The following LRMDA variants were observed in gnomAD, a reference collection of about 807,000 sequenced individuals.
LRMDA encodes the protein leucine-rich melanocyte differentiation-associated protein.
A neutral mutation model predicts 29.8 loss-of-function variants in LRMDA; 18 were observed. That is an observed-to-expected ratio of 0.60 (90% CI 0.42 to 0.90). The LOEUF (loss-of-function observed/expected upper bound fraction) is 0.90. LRMDA is among the 40% of genes least tolerant of loss of function. LRMDA has a pLI of 0.00. For missense variants in LRMDA, 273 were observed against 273.9 expected (o/e 1.00, Z 0.02); for synonymous variants, 125 against 109.4 (o/e 1.14, Z -0.89).
chr10:75,564,738 G>A, intron 2 of LRMDA, among the ~76,000 whole-genome samples: 1 of 152,186 alleles, frequency 6.6e-6, no homozygotes, highest in Non-Finnish European at 1.5e-5. Context: ...TAGCTTCTCT[G>A]GATCTTGTTA....
chr10:76,131,945 T>C (rs114802152), intron 5 of LRMDA, among the ~76,000 whole-genome samples: 200 of 152,324 alleles, frequency 1.3e-3, no homozygotes, highest in African/African-American at 4.7e-3. Context: ...TGAATATATA[T>C]GGCTGATGAT....
rs201700203 is a variant in LRMDA, at chr10:76,184,036, T to TA, written c.516+125253_516+125254insA. Among the ~76,000 whole-genome samples the TA allele has an allele frequency of 7.4e-3, 1,121 of 151,126 alleles. 5 individuals carry two copies. Among genetic ancestry groups the TA allele is most frequent in the East Asian group, 0.02 (102 of 5,134 alleles). On this transcript the variant is annotated intron_variant, in intron 5 of 6. Transcript: ENST00000611255. ...CCCACCCGGCCCTACTTTATTTATT[T>TA]TTTTTTTTTTTGGAGACGGAGTCTT...
At chr10:75,608,603 A>C (rs1183285297) in intron 2 of LRMDA, among the ~76,000 whole-genome samples, 1 of 152,184 alleles carries the variant, frequency 6.6e-6, no homozygotes, top group East Asian at 1.9e-4. Context: ...GTATACCTTA[A>C]ATATATATAA....
intron 6 of LRMDA, among the ~76,000 whole-genome samples, chr10:76,435,425 T>C (rs1009904592): frequency 3.3e-5 from 5 of 152,206 alleles, no homozygotes; most frequent in African/African-American, 1.2e-4. Flanking sequence ...CCATGGCATG[T>C]TACCTCTCAG....
intron 6 of LRMDA, among the ~76,000 whole-genome samples, chr10:76,378,329 A>C (rs963015161): frequency 6.6e-6 from 1 of 152,166 alleles, no homozygotes; most frequent in African/African-American, 2.4e-5. Context: ...ATCATCAGAA[A>C]ACAGAGATAA....
rs144792000 is a variant in LRMDA, at chr10:76,363,704, T to C, written c.601+39219T>C. On this transcript the variant is annotated intron_variant, in intron 6 of 6. Transcript: ENST00000611255. ...TTCTTTTTCCTTTCTAGTTTCTTGG[T>C]ATAACAACCTTTTTCCATAAAAGAA... 3.1e-3 allele frequency among the ~76,000 whole-genome samples: 474 copies of C among 152,284 alleles called. 3 individuals carry two copies. The highest frequency in any genetic ancestry group is 0.011 in the African/African-American group (444 of 41,552).
intron 2 of LRMDA, among the ~76,000 whole-genome samples, chr10:75,671,325 T>C (rs993388965): frequency 1.1e-4 from 16 of 152,200 alleles, no homozygotes; most frequent in African/African-American, 3.9e-4. Flanking sequence ...GGATAGGGTT[T>C]GAGTATTCCA....
chr10:75,526,141 C>T (rs1845410536), intron 2 of LRMDA, among the ~76,000 whole-genome samples: 2 of 152,038 alleles, frequency 1.3e-5, no homozygotes, highest in Non-Finnish European at 2.9e-5. Flanking sequence ...TCATAGCCCA[C>T]TGCAGCCTCA....
chr10:75,499,124 C>T (rs1334013250), intron 2 of LRMDA, among the ~76,000 whole-genome samples: 1 of 152,162 alleles, frequency 6.6e-6, no homozygotes, highest in Non-Finnish European at 1.5e-5. Flanking sequence ...TCTGAAATTC[C>T]TCCTCCTCCT....
In LRMDA at chr10:75,876,243, T is replaced by A. The variant is rs564117052; in HGVS notation, c.132-159765T>A. On this transcript the variant is annotated intron_variant, in intron 2 of 6. Transcript: ENST00000611255. ...GGAGCTGGCTAAGGAATTGGAATCCTTCTTGGGGAGGCAGTGAAAGTTGAT... is the reference window on the plus strand; with the variant it reads ...GGAGCTGGCTAAGGAATTGGAATCCATCTTGGGGAGGCAGTGAAAGTTGAT... Among the ~76,000 whole-genome samples, 4 of 152,302 alleles carry A rather than the reference T, an allele frequency of 2.6e-5. No individual in the cohort carries two copies. The East Asian group carries it at 5.8e-4, about 22-fold the overall frequency.
chr10:76,400,258 T>C (rs1841834571), intron 6 of LRMDA, among the ~76,000 whole-genome samples: 1 of 152,298 alleles, frequency 6.6e-6, no homozygotes, highest in Middle Eastern at 3.4e-3. Flanking sequence ...CAACAATCTT[T>C]TGAGCTTGGA....
chr10:75,651,690 G>A (rs747662450), intron 2 of LRMDA, among the ~76,000 whole-genome samples: 3 of 152,114 alleles, frequency 2.0e-5, no homozygotes, highest in East Asian at 1.9e-4. Flanking sequence ...AGCACCTCCC[G>A]GTGGCCCAAA....
At chr10:75,657,363 G>C (rs1841690015) in intron 2 of LRMDA, among the ~76,000 whole-genome samples, 1 of 152,214 alleles carries the variant, frequency 6.6e-6, no homozygotes, top group African/African-American at 2.4e-5. Flanking sequence ...AAGGCAATCA[G>C]AGAGGAGAAT....
chr10:75,977,397 G>A (rs1847092068), intron 2 of LRMDA, among the ~76,000 whole-genome samples: 1 of 152,204 alleles, frequency 6.6e-6, no homozygotes, highest in Non-Finnish European at 1.5e-5. Context: ...GGAAATATGA[G>A]TTAACTCCAT....
At chr10:75,718,150 A>AT (rs2132184597) in intron 2 of LRMDA, among the ~76,000 whole-genome samples, 1 of 152,320 alleles carries the variant, frequency 6.6e-6, no homozygotes, top group Admixed American at 6.5e-5. Flanking sequence ...TGTTGCCACA[A>AT]TGATGCTGCT....
At chr10:75,901,602 C>T (rs1845674185) in intron 2 of LRMDA, among the ~76,000 whole-genome samples, 3 of 152,004 alleles carry the variant, frequency 2.0e-5, no homozygotes, top group Admixed American at 6.6e-5. Context: ...AAAAAAGAAC[C>T]GAGACAATCA....
intron 5 of LRMDA, among the ~76,000 whole-genome samples, chr10:76,116,561 T>G (rs1849670568): frequency 6.6e-6 from 1 of 152,160 alleles, no homozygotes; most frequent in Admixed American, 6.5e-5. Flanking sequence ...CCAGCAAGAC[T>G]TGAGTCTTTA....
At chr10:76,100,483 A>G (rs564524979) in intron 5 of LRMDA, among the ~76,000 whole-genome samples, 1 of 152,162 alleles carries the variant, frequency 6.6e-6, no homozygotes, top group African/African-American at 2.4e-5. Context: ...CCCAGTGTGC[A>G]GGCAGGTCGG....
At chr10:75,735,449 G>A (rs745819786) in intron 2 of LRMDA, among the ~76,000 whole-genome samples, 2 of 152,086 alleles carry the variant, frequency 1.3e-5, no homozygotes, top group Non-Finnish European at 2.9e-5. Flanking sequence ...TTGCTCCCAT[G>A]AAAAACAAAC....
Sources: allele counts gnomAD v4.1 joint callset (sites outside exome capture counted in the v4.1 genomes callset), GRCh38; gene constraint gnomAD v4.1.1; transcripts MANE v1.5; gene names NCBI Gene and HGNC (gene_info 2026-07-23, HGNC 2026-07-21).